ALLC: variants seen among roughly 807,000 people sequenced by gnomAD.
ALLC encodes the protein allantoicase, also known as probable inactive allantoicase.
ALLC carries 40 observed loss-of-function variants against 45.0 expected under a neutral mutation model. The observed-to-expected ratio is 0.89, with a 90% CI of 0.69 to 1.16. The LOEUF is 1.16. Among genes scored for constraint, ALLC ranks in the 50% most tolerant of loss-of-function variants. ALLC has a pLI of 0.00. For synonymous variants in ALLC, 176 were observed against 178.1 expected (o/e 0.99, Z 0.09); for missense variants, 488 against 493.1 (o/e 0.99, Z 0.10).
At chr2:3,694,590 C>T (rs1481244367) in intron 7 of ALLC, 1 of 152,168 alleles carries the variant, frequency 6.6e-6, no homozygotes, top group African/African-American at 2.4e-5. Flanking sequence ...CCATTAAAGC[C>T]AATTATAATA....
At chr2:3,659,605 C>T (rs769758288) in intron 1 of ALLC, among the ~76,000 whole-genome samples, 4 of 152,178 alleles carry the variant, frequency 2.6e-5, no homozygotes, top group Non-Finnish European at 5.9e-5. Flanking sequence ...TGGCCTCAGC[C>T]GAGGTCGCGT....
At chr2:3,681,798 C>A in intron 6 of ALLC, 85 bp downstream of exon 6, 2 of 1,142,046 alleles carry the variant, frequency 1.8e-6, no homozygotes, top group Non-Finnish European at 2.5e-6. Flanking sequence ...CTGTGCAAGG[C>A]GATTCTTTGG....
In ALLC at chr2:3,701,584, A is replaced by C; in HGVS notation, c.923A>C (p.Gln308Pro). Reference protein sequence around the residue: ...TTQEEEAVIRQKWILPAHKWK... With the variant: ...TTQEEEAVIRPKWILPAHKWK... ...CAGGAAGAAGAAGCCGTGATCAGGC[A>C]AAAGTGGATTCTCCCGGCCCACAAG... Residue 308 changes from glutamine (Q) to proline (P), a missense_variant, in exon 11 of 12, where the codon CAA (glutamine) becomes CCA (proline). Physicochemically the swap from Gln to Pro is moderately conservative, Grantham distance 76 (BLOSUM62 -1). Coordinates refer to ENST00000252505, the MANE Select transcript of ALLC (RefSeq NM_018436.4). The C allele has an allele frequency of 6.2e-7, 1 of 1,609,856 alleles. No individual in the cohort carries two copies.
chr2:3,698,943 A>G (rs571561431), intron 10 of ALLC, among the ~76,000 whole-genome samples: 15 of 152,350 alleles, frequency 9.8e-5, no homozygotes, highest in Admixed American at 9.8e-4. Context: ...GGCCAGGCTC[A>G]TCATTAACAG....
Position 3,669,239 on chromosome 2 carries a change from C to T in ALLC, c.-62-1857C>T, listed in dbSNP as rs144439992. On this transcript the variant is annotated intron_variant, in intron 1 of 11. Coordinates refer to ENST00000252505, the MANE Select transcript of ALLC (RefSeq NM_018436.4). ...CTGTAATCCCAGCACTTTGGGAGGC[C>T]GAGGTGGGTGGATCACGAAGTCAGG... 9.2e-5 allele frequency among the ~76,000 whole-genome samples: 14 copies of T among 151,930 alleles called. No individual in the cohort carries two copies. The East Asian group carries it at 1.4e-3, about 15-fold the overall frequency.
At position 3,686,396 on chromosome 2, in the gene ALLC, T is replaced by TG. The variant is rs1358919304; in HGVS notation, c.511+3323dup. 2.0e-5 allele frequency among the ~76,000 whole-genome samples: 3 copies of TG among 150,910 alleles called. 1 individual carries two copies. Among genetic ancestry groups the TG allele is most frequent in the Non-Finnish European group, 4.4e-5 (3 of 67,630 alleles). On this transcript the variant is annotated intron_variant, in intron 7 of 11. Coordinates refer to ENST00000252505, the MANE Select transcript of ALLC (RefSeq NM_018436.4). ...TACATTTTGAAGTCAGGTAGTGTGATGCCTTCAGCTTTGTTTTTTTGCTTT... is the reference window on the plus strand; with the variant it reads ...TACATTTTGAAGTCAGGTAGTGTGATGGCCTTCAGCTTTGTTTTTTTGCTTT...
intron 3 of ALLC, among the ~76,000 whole-genome samples, chr2:3,676,470 C>T (rs1252008502): frequency 6.6e-6 from 1 of 152,138 alleles, no homozygotes; most frequent in African/African-American, 2.4e-5. Flanking sequence ...AGGTCTCTAG[C>T]TCCTGGGCTC....
At chr2:3,697,978 T>G (rs1319460720) in intron 10 of ALLC, among the ~76,000 whole-genome samples, 1 of 149,676 alleles carries the variant, frequency 6.7e-6, no homozygotes, top group Non-Finnish European at 1.5e-5. Context: ...ATTTATTTAT[T>G]TTTGAGATGG....
rs1667087717 is a variant in ALLC at position 3,678,545 on chromosome 2, A to G, written c.162A>G (p.Lys54=). 6.2e-7 allele frequency: 1 copy of G among 1,613,850 alleles called. No individual in the cohort carries two copies. Among genetic ancestry groups the G allele is most frequent in the Non-Finnish European group, 8.5e-7 (1 of 1,179,728 alleles). The change falls in exon 4 of 12, where the codon AAA becomes AAG. Residue 54 remains lysine, a synonymous_variant. Transcript: ENST00000252505. The part of the protein sequence containing the change: ...KWMDGWETRR[K]RIPGHDWCVL... Reference sequence around the variant, plus strand: ...TGGATGGCTGGGAGACCAGGAGGAAAAGGATTCCAGGTAATAACAACGGTT... The same window carrying G: ...TGGATGGCTGGGAGACCAGGAGGAAGAGGATTCCAGGTAATAACAACGGTT...
At chr2:3,646,834 A>C in the ALLC span, among the ~76,000 whole-genome samples, 1 of 152,122 alleles carries the variant, frequency 6.6e-6, no homozygotes, top group African/African-American at 2.4e-5. Context: ...TGTCAGACCC[A>C]TGGTTTTCTG....
At chr2:3,698,040 T>G (rs1418409275) in intron 10 of ALLC, among the ~76,000 whole-genome samples, 1 of 152,110 alleles carries the variant, frequency 6.6e-6, no homozygotes, top group African/African-American at 2.4e-5. Flanking sequence ...CTTGGCTCAC[T>G]GCAACCTCTG....
upstream of ALLC, among the ~76,000 whole-genome samples, chr2:3,654,637 G>A (rs565332062): frequency 1.3e-5 from 2 of 152,368 alleles, no homozygotes; most frequent in South Asian, 4.1e-4. Flanking sequence ...GCCAGACACT[G>A]CCAGAAGCTC....
At chr2:3,653,147 G>A in the ALLC span, among the ~76,000 whole-genome samples, 2 of 152,194 alleles carry the variant, frequency 1.3e-5, no homozygotes, top group Admixed American at 6.5e-5. This position sits in a 1 kb window ranked among gnomAD's most constrained non-coding sequence, Gnocchi z 4.1. Flanking sequence ...AAAAAGAGTG[G>A]GTGCACACGG....
chr2:3,699,661 A>T (rs1186788757), intron 10 of ALLC, among the ~76,000 whole-genome samples: 1 of 152,020 alleles, frequency 6.6e-6, no homozygotes, highest in Non-Finnish European at 1.5e-5. Context: ...CTTGTCAACA[A>T]CTGTTATTTT....
chr2:3,682,791 CTG>C, intron 6 of ALLC, 149 bp from the exon 7 acceptor site: 2 of 734,404 alleles, frequency 2.7e-6, no homozygotes, highest in South Asian at 3.8e-5. Flanking sequence ...TCCCAAGGTG[CTG>C]GGATTACAGG....
Position 3,680,034 on chromosome 2 carries a change from G to A in ALLC, c.298+40G>A. 1 of 1,610,460 alleles carries A rather than the reference G, an allele frequency of 6.2e-7. No individual in the cohort carries two copies. The highest frequency in any genetic ancestry group is 1.7e-5 in the Admixed American group (1 of 59,946). ...ACTGTCCCCAAAATGAGAATTATGGGTCACATGGCTCCTCTGGCCAGCCAC... is the reference window on the plus strand; with the variant it reads ...ACTGTCCCCAAAATGAGAATTATGGATCACATGGCTCCTCTGGCCAGCCAC... On this transcript the variant is annotated intron_variant, in intron 5 of 11. Transcript: ENST00000252505. The surrounding 1 kb of genome is among the most constrained non-coding windows in gnomAD (Gnocchi z 4.0).
At chr2:3,677,166 T>C (rs1667046128) in intron 3 of ALLC, among the ~76,000 whole-genome samples, 2 of 152,208 alleles carry the variant, frequency 1.3e-5, no homozygotes. Context: ...CAGGGCTGTT[T>C]TCCTGCCACT....
chr2:3,677,438 G>T (rs1667052497), intron 3 of ALLC, among the ~76,000 whole-genome samples: 1 of 152,232 alleles, frequency 6.6e-6, no homozygotes, highest in Non-Finnish European at 1.5e-5. Context: ...TGATTTGATT[G>T]TAATAACATT....
At chr2:3,678,861 C>T (rs977703578) in intron 4 of ALLC, among the ~76,000 whole-genome samples, 1 of 152,156 alleles carries the variant, frequency 6.6e-6, no homozygotes, top group African/African-American at 2.4e-5. Flanking sequence ...AGGCATTAGG[C>T]AGCGTGCATC....
Sources: gnomAD v4.1 joint callset for allele counts (sites outside exome capture counted in the v4.1 genomes callset) on GRCh38, gnomAD v4.1.1 for gene constraint, Gnocchi (gnomAD v3.1) non-coding constraint, MANE v1.5 for transcripts, NCBI Gene and HGNC (gene_info 2026-07-23, HGNC 2026-07-21) for gene names.